The following PPOX variants were observed in gnomAD, a reference collection of about 807,000 sequenced individuals.
The protein encoded by PPOX is variegate porphyria.
Under a neutral mutation model 54.1 loss-of-function variants are expected in PPOX, and 23 were observed. That is an observed-to-expected ratio of 0.43 (90% CI 0.31 to 0.60). The LOEUF is 0.60. Among genes scored for constraint, PPOX ranks in the 20% least tolerant of loss-of-function variants. The pLI, the probability that PPOX is intolerant of heterozygous loss-of-function variation, is 0.13. For synonymous variants in PPOX, 224 were observed against 236.1 expected (o/e 0.95, Z 0.47); for missense variants, 512 against 601.1 (o/e 0.85, Z 1.55).
At chr1:161,176,138 T>C, downstream of PPOX, 1 of 1,557,952 alleles carries the variant, frequency 6.4e-7, no homozygotes, top group Non-Finnish European at 8.8e-7. Context: ...GAGAGGTCAG[T>C]AGGTAGGGTT....
At chr1:161,169,234 C>T (rs555643633) in intron 7 of PPOX, 51 bp downstream of exon 7, 1 of 1,601,448 alleles carries the variant, frequency 6.2e-7, no homozygotes, top group South Asian at 1.1e-5. Flanking sequence ...CCATCTTTAT[C>T]CAAGTGGCTT....
chr1:161,177,420 T>C (rs1043217337), downstream of PPOX: 3 of 205,194 alleles, frequency 1.5e-5, no homozygotes, highest in Non-Finnish European at 3.0e-5. Flanking sequence ...CCAGCGCACA[T>C]ACCTGGTCTT....
upstream of PPOX, chr1:161,166,088 A>G: frequency 3.0e-6 from 3 of 985,214 alleles, no homozygotes; most frequent in Non-Finnish European, 3.6e-6. Flanking sequence ...CTCCCCGTGG[A>G]CTGGCCTTAA....
chr1:161,165,836 G>C (rs1351707073), upstream of PPOX: 2 of 175,854 alleles, frequency 1.1e-5, no homozygotes, highest in African/African-American at 4.8e-5. Context: ...TCAGAGCCGA[G>C]GGGGAAGGTT....
downstream of PPOX, among the ~76,000 whole-genome samples, chr1:161,173,337 T>C (rs1662198442): frequency 6.6e-6 from 1 of 152,194 alleles, no homozygotes; most frequent in Non-Finnish European, 1.5e-5. Context: ...TCTGGGCCCC[T>C]TTCCAGTTCT....
downstream of PPOX, chr1:161,171,944 G>A (rs1046907837): frequency 6.2e-7 from 1 of 1,614,182 alleles, no homozygotes; most frequent in Non-Finnish European, 8.5e-7. Context: ...GGCCCAGAAG[G>A]AGCCCGAGGA....
Position 161,168,455 on chromosome 1 carries a change from T to C in PPOX, c.495T>C (p.Ser165=), listed in dbSNP as rs765948100. Residue 165 remains serine, a synonymous_variant, in exon 6 of 13, where the codon AGT becomes AGC. Transcript: ENST00000367999. ...GPEVASLAMD[S]LCRGVFAGNS... is the part of the protein sequence containing the mutation. ...AGGTGGCGTCTCTAGCCATGGACAGTCTCTGCCGTGGAGTGTTTGCAGGCA... is the reference window on the plus strand; with the variant it reads ...AGGTGGCGTCTCTAGCCATGGACAGCCTCTGCCGTGGAGTGTTTGCAGGCA... The C allele has an allele frequency of 6.2e-7, 1 of 1,614,192 alleles. No individual in the cohort carries two copies. The highest frequency in any genetic ancestry group is 1.7e-5 in the Admixed American group (1 of 60,024).
At chr1:161,174,960 A>G, downstream of PPOX, 1 of 1,601,014 alleles carries the variant, frequency 6.2e-7, no homozygotes. Context: ...CTTAGAAGAA[A>G]GTCAGTCAAA....
chr1:161,165,738 G>T, upstream of PPOX: 1 of 300,520 alleles, frequency 3.3e-6, no homozygotes, highest in Non-Finnish European at 6.2e-6. Flanking sequence ...GTGCTTATTT[G>T]TATTTTTGCT....
Position 161,167,430 on chromosome 1 carries a change from C to A in PPOX, c.282C>A (p.Ala94=), listed in dbSNP as rs1224230080. The A allele has an allele frequency of 1.2e-6, 2 of 1,613,676 alleles. No individual in the cohort carries two copies. The highest frequency in any genetic ancestry group is 1.7e-6 in the Non-Finnish European group (2 of 1,180,012). The change falls in exon 4 of 13, where the codon GCC becomes GCA. Residue 94 remains alanine (A), a synonymous_variant. Transcript: ENST00000367999. ...CTGTCCGGGGAGACCACCCAGCTGC[C>A]CAGAACAGGTTCCTCTACGTGGGCG... ...VLPVRGDHPA[A]QNRFLYVGGA... is the part of the protein sequence containing the mutation.
At chr1:161,168,712 CAGT>C (rs1660015734) in intron 6 of PPOX, 136 bp downstream of exon 6, 2 of 1,233,548 alleles carry the variant, frequency 1.6e-6, no homozygotes, top group African/African-American at 3.0e-5. Context: ...GGCTGGAGTG[CAGT>C]GGTGCAATCT....
rs188015189 is a variant in PPOX, at chr1:161,169,405, A to G, written c.807+222A>G. On this transcript the variant is annotated intron_variant, in intron 7 of 12. Coordinates refer to ENST00000367999, the MANE Select transcript of PPOX (RefSeq NM_001122764.3). ...GAAGTAGTACTTATAAGTGGCTTAG[A>G]GATAGGGGAAAGAACCCAGCTTCAC... The G allele has an allele frequency of 3.9e-4, 274 of 696,878 alleles. No individual in the cohort carries two copies. The African/African-American group carries it at 4.3e-3, about 11-fold the overall frequency. The allele number at this position is 696,878 out of a possible 1,614,324, so 43.2% of individuals were successfully genotyped here. A position where few individuals can be genotyped will look rare whatever the true frequency, so the allele number is the denominator to read the frequency against.
At chr1:161,170,248 C>G in intron 9 of PPOX, 161 bp from the exon 10 acceptor site, 1 of 835,234 alleles carries the variant, frequency 1.2e-6, no homozygotes, top group Non-Finnish European at 1.9e-6. Flanking sequence ...TCGCTTGAAC[C>G]CAGGAGGTGG....
chr1:161,173,768 G>A (rs750645787), downstream of PPOX: 2 of 1,613,068 alleles, frequency 1.2e-6, no homozygotes, highest in Admixed American at 3.3e-5. Context: ...AGTCTTCTGG[G>A]GACACATCCC....
chr1:161,172,038 G>A (rs941553438), downstream of PPOX: 1 of 1,614,096 alleles, frequency 6.2e-7, no homozygotes, highest in Non-Finnish European at 8.5e-7. Context: ...ATGTCAGTGA[G>A]TTCATCCCAT....
chr1:161,167,551 T>TA, intron 4 of PPOX, 65 bp downstream of exon 4: 3 of 1,337,022 alleles, frequency 2.2e-6, no homozygotes, highest in Non-Finnish European at 3.0e-6. Flanking sequence ...ATTTCTTTCT[T>TA]CTTTTCTTTT....
downstream of PPOX, among the ~76,000 whole-genome samples, chr1:161,173,235 C>T (rs190147291): frequency 1.1e-4 from 17 of 152,276 alleles, no homozygotes; most frequent in African/African-American, 3.8e-4. Context: ...TTTTACAAAG[C>T]GATTCTGGGA....
chr1:161,174,986 G>C (rs758060785), downstream of PPOX: 148 of 1,612,506 alleles, frequency 9.2e-5, no homozygotes, highest in South Asian at 1.5e-3. Context: ...GTGGAGATTG[G>C]GGGTACCTGG....
Position 161,167,351 on chromosome 1 carries a change from T to C in PPOX, c.223-20T>C. ...GATCTTCCCTTAGTTTCTCCTCTTCTGAGGGCATGTGGAGAGCAGGTTTCT... is the reference window on the plus strand; with the variant it reads ...GATCTTCCCTTAGTTTCTCCTCTTCCGAGGGCATGTGGAGAGCAGGTTTCT... On this transcript the variant is annotated intron_variant, in intron 3 of 12. Coordinates refer to ENST00000367999, the MANE Select transcript of PPOX (RefSeq NM_001122764.3). The C allele has an allele frequency of 6.2e-7, 1 of 1,614,042 alleles. No individual in the cohort carries two copies. Among genetic ancestry groups the C allele is most frequent in the South Asian group, 1.1e-5 (1 of 91,078 alleles).
Sources: gnomAD v4.1 joint callset for allele counts (sites outside exome capture counted in the v4.1 genomes callset) on GRCh38, gnomAD v4.1.1 for gene constraint, MANE v1.5 for transcripts, NCBI Gene and HGNC (gene_info 2026-07-23, HGNC 2026-07-21) for gene names.